Variants in SLC4A10 observed in about 807,000 individuals in gnomAD.
SLC4A10 encodes sodium-driven chloride bicarbonate exchanger.
In SLC4A10, 42 loss-of-function variants were observed where a neutral mutation model predicts 137.7. The ratio of observed to expected loss-of-function variants is 0.30; its 90% CI spans 0.24 to 0.39. SLC4A10 has a LOEUF of 0.39. Ranked by LOEUF, SLC4A10 falls within the 10% of genes least tolerant of loss-of-function variation. The pLI is 1.00. For missense variants in SLC4A10, 925 were observed against 1,355.0 expected, an observed-to-expected ratio of 0.68 and a Z score of 4.98; for synonymous variants, 474 against 464.1, an observed-to-expected ratio of 1.02 and a Z score of -0.27.
chr2:161,833,696 G>T (rs1017481985), intron 3 of SLC4A10, among the ~76,000 whole-genome samples: 3 of 152,154 alleles, frequency 2.0e-5, no homozygotes, highest in Non-Finnish European at 2.9e-5. Context: ...TATGTATTCA[G>T]ATTTCTGAAC....
chr2:161,839,759 T>C, intron 3 of SLC4A10, 30 bp from the exon 4 acceptor site: 2 of 1,611,864 alleles, frequency 1.2e-6, no homozygotes, highest in Middle Eastern at 1.7e-4. Context: ...TAATACATGT[T>C]CATGGTAATA....
At chr2:161,726,286 A>G (rs2046214537) in intron 1 of SLC4A10, among the ~76,000 whole-genome samples, 1 of 152,200 alleles carries the variant, frequency 6.6e-6, no homozygotes, top group Non-Finnish European at 1.5e-5. Context: ...CTCTGAAAAC[A>G]TAGTAGAATT....
chr2:161,641,483 T>C (rs943310452), intron 1 of SLC4A10, among the ~76,000 whole-genome samples: 3 of 152,180 alleles, frequency 2.0e-5, no homozygotes, highest in Admixed American at 1.3e-4. Context: ...CTTTAAGAGA[T>C]TTGAAAAACA....
chr2:161,772,369 G>C (rs2051731879), intron 2 of SLC4A10, among the ~76,000 whole-genome samples: 1 of 151,692 alleles, frequency 6.6e-6, no homozygotes, highest in Non-Finnish European at 1.5e-5. Flanking sequence ...AACAAAGCAA[G>C]ATGGTAGCCT....
intron 1 of SLC4A10, among the ~76,000 whole-genome samples, chr2:161,769,730 G>A (rs116640398): frequency 1.7e-3 from 254 of 151,704 alleles, no homozygotes; most frequent in African/African-American, 5.6e-3. Context: ...CTTCATGTGC[G>A]CTATTTATAA....
At chr2:161,891,882 G>T (rs968677766) in intron 10 of SLC4A10, among the ~76,000 whole-genome samples, 3 of 151,986 alleles carry the variant, frequency 2.0e-5, no homozygotes, top group African/African-American at 7.2e-5. Context: ...CAGCATTCTG[G>T]TTTTTGGAAT....
intron 3 of SLC4A10, among the ~76,000 whole-genome samples, chr2:161,810,719 CTT>C (rs1375617048): frequency 2.0e-5 from 3 of 152,108 alleles, no homozygotes; most frequent in Admixed American, 1.3e-4. Context: ...ATGAAGCCCA[CTT>C]TTCTCATAGT....
intron 1 of SLC4A10, among the ~76,000 whole-genome samples, chr2:161,707,811 A>T (rs147096470): frequency 1.3e-5 from 2 of 151,690 alleles, no homozygotes; most frequent in African/African-American, 4.8e-5. Context: ...GTATGTTGGT[A>T]TGAAGAATCT....
intron 5 of SLC4A10, among the ~76,000 whole-genome samples, chr2:161,856,935 T>C (rs2060139931): frequency 6.6e-6 from 1 of 152,176 alleles, no homozygotes; most frequent in Non-Finnish European, 1.5e-5. Context: ...TCCAAATACA[T>C]TTTGAAATGG....
At chr2:161,901,623 C>T (rs1683134237) in intron 12 of SLC4A10, among the ~76,000 whole-genome samples, 1 of 152,014 alleles carries the variant, frequency 6.6e-6, no homozygotes, top group East Asian at 1.9e-4. Flanking sequence ...GTATAGCCTC[C>T]ATTATAATTA....
At chr2:161,756,361 A>G (rs2049646693) in intron 1 of SLC4A10, among the ~76,000 whole-genome samples, 2 of 152,224 alleles carry the variant, frequency 1.3e-5, no homozygotes, top group African/African-American at 4.8e-5. Context: ...TGCAGCAATT[A>G]GAAAGTATGA....
chr2:161,669,247 A>G (rs2039427397), intron 1 of SLC4A10, among the ~76,000 whole-genome samples: 1 of 151,862 alleles, frequency 6.6e-6, no homozygotes, highest in Non-Finnish European at 1.5e-5. Flanking sequence ...GGATTATGGG[A>G]TCATGTAGGA....
In SLC4A10 at chr2:161,936,233, A is replaced by G. The variant is rs1459184459; in HGVS notation, c.1998-6559A>G. On this transcript the variant is annotated intron_variant, in intron 15 of 26. Coordinates refer to ENST00000446997, the MANE Select transcript of SLC4A10 (RefSeq NM_001178015.2). Reference sequence around the variant, plus strand: ...GCATTTATGTTCATCAGGGATATTGACCTATAATATTTTCTTGTAATGTTC... The same window carrying G: ...GCATTTATGTTCATCAGGGATATTGGCCTATAATATTTTCTTGTAATGTTC... 2.0e-5 allele frequency among the ~76,000 whole-genome samples: 3 copies of G among 151,994 alleles called. No individual in the cohort carries two copies. The East Asian group carries it at 5.8e-4, about 29-fold the overall frequency.
At chr2:161,967,966 G>A (rs1218826555) in intron 23 of SLC4A10, among the ~76,000 whole-genome samples, 2 of 148,200 alleles carry the variant, frequency 1.3e-5, no homozygotes, top group African/African-American at 4.9e-5. Flanking sequence ...TGTCTTTACT[G>A]CTTCTGGAAA....
chr2:161,823,043 A>G (rs1268185383), intron 3 of SLC4A10, among the ~76,000 whole-genome samples: 4 of 152,182 alleles, frequency 2.6e-5, no homozygotes, highest in Non-Finnish European at 5.9e-5. Flanking sequence ...CTCACAGATA[A>G]ACTGCATAGC....
At chr2:161,890,107 T>A (rs2062760782) in intron 10 of SLC4A10, among the ~76,000 whole-genome samples, 1 of 152,198 alleles carries the variant, frequency 6.6e-6, no homozygotes, top group Non-Finnish European at 1.5e-5. Context: ...TTTGAGTGAG[T>A]TTCTTAATCC....
chr2:161,737,962 C>T (rs1375731870), intron 1 of SLC4A10, among the ~76,000 whole-genome samples: 1 of 152,166 alleles, frequency 6.6e-6, no homozygotes, highest in African/African-American at 2.4e-5. Flanking sequence ...TCAGTTTCTG[C>T]CTGACCTAGT....
chr2:161,712,357 T>C (rs977116976), intron 1 of SLC4A10, among the ~76,000 whole-genome samples: 5 of 151,742 alleles, frequency 3.3e-5, no homozygotes, highest in African/African-American at 1.2e-4. Context: ...TTAAGGTCTT[T>C]CTTGTTTATT....
chr2:161,631,247 A>G (rs1170082218), intron 1 of SLC4A10, among the ~76,000 whole-genome samples: 1 of 151,778 alleles, frequency 6.6e-6, no homozygotes, highest in African/African-American at 2.4e-5. Flanking sequence ...CTCTGAGTAT[A>G]CTAAAAACCA....
Sources: allele counts gnomAD v4.1 joint callset (sites outside exome capture counted in the v4.1 genomes callset), GRCh38; gene constraint gnomAD v4.1.1; transcripts MANE v1.5; gene names NCBI Gene and HGNC (gene_info 2026-07-23, HGNC 2026-07-21).